VPS13B: variants seen among roughly 807,000 people sequenced by gnomAD.
VPS13B encodes the protein intermembrane lipid transfer protein VPS13B.
A neutral mutation model predicts 426.4 loss-of-function variants in VPS13B; 285 were observed. The ratio of observed to expected loss-of-function variants is 0.67; its 90% CI spans 0.61 to 0.74. The LOEUF is 0.74. VPS13B is among the 30% of genes least tolerant of loss of function. VPS13B has a pLI of 0.00. For synonymous variants in VPS13B, 1,676 were observed against 1,676.4 expected (o/e 1.00, Z 0.01); for missense variants, 4,537 against 4,782.6 (o/e 0.95, Z 1.51).
intron 3 of VPS13B, among the ~76,000 whole-genome samples, chr8:99,095,039 C>T (rs974350660): frequency 1.3e-5 from 2 of 152,160 alleles, no homozygotes; most frequent in Non-Finnish European, 2.9e-5. Context: ...ATTTTCTCTT[C>T]GTAATGCCTA....
intron 17 of VPS13B, chr8:99,209,669 A>G (rs1323237161): frequency 1.2e-6 from 1 of 868,226 alleles, no homozygotes. Flanking sequence ...AACCTCCTGA[A>G]GTGCCGGGAT....
At chr8:99,506,308 C>T (rs1442369679) in intron 27 of VPS13B, among the ~76,000 whole-genome samples, 3 of 152,190 alleles carry the variant, frequency 2.0e-5, no homozygotes, top group Admixed American at 2.0e-4. Context: ...ATAGAATGTT[C>T]AACTCTTTAG....
At chr8:99,473,866 G>A (rs961620662) in intron 24 of VPS13B, among the ~76,000 whole-genome samples, 3 of 152,098 alleles carry the variant, frequency 2.0e-5, no homozygotes, top group African/African-American at 7.2e-5. Flanking sequence ...GCAAACAACC[G>A]GAAAATGGAA....
intron 43 of VPS13B, among the ~76,000 whole-genome samples, chr8:99,785,842 G>T (rs1812231836): frequency 6.6e-6 from 1 of 152,070 alleles, no homozygotes; most frequent in Admixed American, 6.6e-5. Flanking sequence ...AGTTTCCATT[G>T]TCATTGCATT....
chr8:99,532,734 T>C (rs1225700128), intron 30 of VPS13B, among the ~76,000 whole-genome samples: 5 of 120,334 alleles, frequency 4.2e-5, no homozygotes, highest in Non-Finnish European at 8.6e-5. Flanking sequence ...TTACAAATAT[T>C]CACTTTATTT....
At chr8:99,771,557 AGTGTGTG>A (rs1811490932) in intron 40 of VPS13B, among the ~76,000 whole-genome samples, 2 of 152,204 alleles carry the variant, frequency 1.3e-5, no homozygotes, top group Non-Finnish European at 2.9e-5. Context: ...TGTATATATG[AGTGTGTG>A]AATGTGAAGA....
chr8:99,069,552 A>G (rs970287943), intron 3 of VPS13B, among the ~76,000 whole-genome samples: 5 of 152,252 alleles, frequency 3.3e-5, no homozygotes, highest in African/African-American at 7.2e-5. Flanking sequence ...ATATGTGCAC[A>G]TACATTTTCT....
At chr8:99,245,111 T>G (rs1817146161) in intron 17 of VPS13B, among the ~76,000 whole-genome samples, 1 of 152,220 alleles carries the variant, frequency 6.6e-6, no homozygotes, top group African/African-American at 2.4e-5. Context: ...GATAATGATC[T>G]ATATAACATA....
rs551842822 is a variant in VPS13B at position 99,273,504 on chromosome 8, G to A, written c.2516-694G>A. On this transcript the variant is annotated intron_variant, in intron 17 of 61. Transcript: ENST00000357162. ...TTTATGTTTAAATGTCTCCACCTAGGCCGGGCCTGGTGGTGCACGCCTGTA... is the reference window on the plus strand; with the variant it reads ...TTTATGTTTAAATGTCTCCACCTAGACCGGGCCTGGTGGTGCACGCCTGTA... Among the ~76,000 whole-genome samples, 7 of 152,114 alleles carry A rather than the reference G, an allele frequency of 4.6e-5. No individual in the cohort carries two copies. In the South Asian group the frequency reaches 1.5e-3, roughly 32 times the overall value.
At chr8:99,555,209 C>T (rs1459613106) in intron 30 of VPS13B, among the ~76,000 whole-genome samples, 1 of 152,102 alleles carries the variant, frequency 6.6e-6, no homozygotes, top group Non-Finnish European at 1.5e-5. Context: ...GCAGCTGGCC[C>T]AGACACCCGT....
At position 99,038,594 on chromosome 8, in the gene VPS13B, A is replaced by G. The variant is rs777281272; in HGVS notation, c.291+28A>G. 6.4e-6 allele frequency: 10 copies of G among 1,568,598 alleles called. No individual in the cohort carries two copies. The South Asian group carries it at 1.1e-4, about 17-fold the overall frequency. ...AAGAAATTATTGAACCAAGTTGTTT[A>G]TGTTAACTAATTTTAGTAGTATTTG... On this transcript the variant is annotated intron_variant, in intron 3 of 61. Transcript: ENST00000357162.
At chr8:99,537,367 C>T (rs1358460091) in intron 30 of VPS13B, among the ~76,000 whole-genome samples, 1 of 152,138 alleles carries the variant, frequency 6.6e-6, no homozygotes, top group African/African-American at 2.4e-5. Context: ...TATAATAATA[C>T]TTCATTTATA....
intron 37 of VPS13B, among the ~76,000 whole-genome samples, chr8:99,720,055 G>A (rs980281656): frequency 2.0e-5 from 3 of 151,978 alleles, no homozygotes; most frequent in Non-Finnish European, 2.9e-5. Context: ...TTCCCTCTTA[G>A]CTAAATTAAT....
chr8:99,168,607 A>G (rs991821742), intron 15 of VPS13B, among the ~76,000 whole-genome samples: 1 of 152,100 alleles, frequency 6.6e-6, no homozygotes, highest in African/African-American at 2.4e-5. Context: ...AAATCCTGAA[A>G]TTGTACAGAA....
At chr8:99,864,839 AC>A (rs1015112190) in intron 58 of VPS13B, among the ~76,000 whole-genome samples, 50 of 152,236 alleles carry the variant, frequency 3.3e-4, no homozygotes, top group African/African-American at 1.2e-3. Flanking sequence ...GGGCCTTTCC[AC>A]CATGTCGCCT....
intron 29 of VPS13B, among the ~76,000 whole-genome samples, chr8:99,517,046 A>G (rs932560583): frequency 2.0e-5 from 3 of 152,184 alleles, no homozygotes; most frequent in Non-Finnish European, 2.9e-5. Flanking sequence ...TTCAACTGCC[A>G]GTATGGCAAT....
chr8:99,265,619 C>T (rs966970653), intron 17 of VPS13B, among the ~76,000 whole-genome samples: 3 of 152,000 alleles, frequency 2.0e-5, no homozygotes, highest in African/African-American at 4.8e-5. Flanking sequence ...TACTGGGCTG[C>T]GTGGATTAAA....
chr8:99,876,767 T>G lies in VPS13B; in HGVS notation c.*1101T>G, dbSNP rs1817718413. ...GTCCAGTAGCTTAGAGCATGTTTGCTGATTGATATTACATTTAAACTTGGG... is the reference window on the plus strand; with the variant it reads ...GTCCAGTAGCTTAGAGCATGTTTGCGGATTGATATTACATTTAAACTTGGG... On this transcript the variant is annotated 3_prime_UTR_variant, in exon 62 of 62. Transcript: ENST00000357162. The G allele has an allele frequency of 1.3e-5, 2 of 151,808 alleles. No homozygotes were observed. Among genetic ancestry groups the G allele is most frequent in the Admixed American group, 6.5e-5 (1 of 15,278 alleles). 9.4% of individuals were successfully genotyped at this position (151,808 alleles called of 1,614,324 possible). A position where few individuals can be genotyped will look rare whatever the true frequency, so the allele number is the denominator to read the frequency against.
chr8:99,740,696 AC>A (rs1284573960), intron 39 of VPS13B, among the ~76,000 whole-genome samples: 2 of 152,178 alleles, frequency 1.3e-5, no homozygotes, highest in African/African-American at 2.4e-5. Context: ...AGAATTTTGA[AC>A]CCAGAATTTC....
Sources: gnomAD v4.1 joint callset for allele counts (sites outside exome capture counted in the v4.1 genomes callset) on GRCh38, gnomAD v4.1.1 for gene constraint, MANE v1.5 for transcripts, NCBI Gene and HGNC (gene_info 2026-07-23, HGNC 2026-07-21) for gene names.